CILP: variants seen among roughly 807,000 people sequenced by gnomAD.
The protein encoded by CILP is cartilage intermediate layer protein, also known as cartilage intermediate layer protein 1.
Under a neutral mutation model 82.5 loss-of-function variants are expected in CILP, and 75 were observed. The observed-to-expected ratio is 0.91, with a 90% confidence interval of 0.75 to 1.10. CILP has a LOEUF of 1.10. CILP is among the 50% of genes least tolerant of loss of function. The pLI is 0.00. For synonymous variants in CILP, 530 were observed against 580.3 expected (o/e 0.91, Z 1.25); for missense variants, 1,479 against 1,530.8 (o/e 0.97, Z 0.56).
At chr15:65,202,426 T>C (rs1286220988) in intron 7 of CILP, among the ~76,000 whole-genome samples, 1 of 152,056 alleles carries the variant, frequency 6.6e-6, no homozygotes, top group Non-Finnish European at 1.5e-5. Context: ...CTGCCCTTGT[T>C]TGCATTTTTT....
intron 3 of CILP, 73 bp downstream of exon 3, chr15:65,207,599 G>T: frequency 1.5e-6 from 2 of 1,340,768 alleles, no homozygotes; most frequent in Non-Finnish European, 2.1e-6. Context: ...TCATGCCCTG[G>T]CTTCAGAGAT....
intron 6 of CILP, 49 bp from the exon 7 acceptor site, chr15:65,203,519 T>TGA: frequency 7.3e-7 from 1 of 1,361,034 alleles, no homozygotes; most frequent in Non-Finnish European, 1.0e-6. Flanking sequence ...TGTGTGTGTG[T>TGA]GACAGGTTCT....
intron 1 of CILP, among the ~76,000 whole-genome samples, chr15:65,210,121 G>A (rs1041893216): frequency 5.3e-5 from 8 of 152,226 alleles, no homozygotes; most frequent in African/African-American, 1.7e-4. Flanking sequence ...AAGCAGGGGC[G>A]AGGAGGTTCC....
chr15:65,201,391 T>C (rs1233812577), intron 8 of CILP, among the ~76,000 whole-genome samples: 1 of 152,140 alleles, frequency 6.6e-6, no homozygotes, highest in African/African-American at 2.4e-5. Context: ...GATTCAGATC[T>C]GTACCATCGT....
Position 65,203,584 on chromosome 15 carries a change from C to T in CILP, c.920-114G>A, listed in dbSNP as rs1237250240. ...TGTTGTGAAAATTATAAGGCTTCAC[C>T]CCTACCCCCAGCCCATCTCCATTGG... On this transcript the variant is annotated intron_variant, in intron 6 of 8. Coordinates refer to ENST00000261883, the MANE Select transcript of CILP (RefSeq NM_003613.4). The T allele has an allele frequency of 3.1e-5, 22 of 702,928 alleles. No homozygotes were observed. In the South Asian group the frequency reaches 3.2e-4, roughly 10 times the overall value. 43.5% of individuals were successfully genotyped at this position (702,928 alleles called of 1,614,324 possible).
At chr15:65,208,947 C>T (rs886439605) in intron 2 of CILP, among the ~76,000 whole-genome samples, 31 of 150,800 alleles carry the variant, frequency 2.1e-4, no homozygotes, top group African/African-American at 7.3e-4. Context: ...GCTGAGACAG[C>T]CTTTGTTCCT....
Position 65,209,750 on chromosome 15 carries a change from C to A in CILP, c.6G>T (p.Val2=), listed in dbSNP as rs775031938. 22 of 1,613,858 alleles carry A rather than the reference C, an allele frequency of 1.4e-5. No homozygotes were observed. In the Admixed American group the frequency reaches 1.8e-4, roughly 13 times the overall value. Residue 2 remains valine (V), a synonymous_variant, in exon 2 of 9, where the codon GTG becomes GTT. Transcript: ENST00000261883. M[V]GTKAWVFSFL... is the part of the protein sequence containing the mutation. ...AGGAGAACACCCAGGCCTTGGTCCC[C>A]ACCATCTTTCCCCCAAGCCCGTGGG...
At position 65,206,972 on chromosome 15, in the gene CILP, G is replaced by A. The variant is rs146845325; in HGVS notation, c.234C>T (p.Arg78=). The change falls in exon 4 of 9, where the codon CGC becomes CGT. Residue 78 remains arginine, a synonymous_variant. Coordinates refer to ENST00000261883, the MANE Select transcript of CILP (RefSeq NM_003613.4). ...CACATACACGGTCCCCATAGTAGAA[G>A]CGAATGGCGTCCAGCCGCTCATAGT... The part of the protein sequence containing the change: ...KGDYERLDAI[R]FYYGDRVCAR... The A allele has an allele frequency of 2.9e-5, 47 of 1,614,038 alleles. No homozygotes were observed. In the African/African-American group the frequency reaches 5.6e-4, roughly 19 times the overall value.
rs772300318 is a variant in CILP, at chr15:65,197,614, C to G, written c.2672G>C (p.Gly891Ala). 6.2e-7 allele frequency: 1 copy of G among 1,614,168 alleles called. No individual in the cohort carries two copies. The highest frequency in any genetic ancestry group is 1.1e-5 in the South Asian group (1 of 91,074). Reference sequence around the variant, plus strand: ...GAGGTTCTCAAAGGCATAGATGGGCCCATTGCTCTCCTCAGCTGAGTTGGG... The same window carrying G: ...GAGGTTCTCAAAGGCATAGATGGGCGCATTGCTCTCCTCAGCTGAGTTGGG... ...PRPNSAEESN[G>A]PIYAFENLRA... Residue 891 changes from glycine (G) to alanine (A), a missense_variant, in exon 9 of 9, where the codon GGG (glycine) becomes GCG (alanine). By Grantham distance (60) the Gly-to-Ala change is moderately conservative. Transcript: ENST00000261883.
intron 7 of CILP, 108 bp from the exon 8 acceptor site, chr15:65,202,137 A>G: frequency 1.1e-6 from 1 of 893,898 alleles, no homozygotes; most frequent in African/African-American, 1.7e-5. Context: ...ATGGGTTCCC[A>G]CAAATGTCAA....
In CILP at chr15:65,197,725, A is replaced by G; in HGVS notation, c.2561T>C (p.Leu854Pro). The change falls in exon 9 of 9, where the codon CTC becomes CCC. Residue 854 changes from leucine (L) to proline (P), a missense_variant. By Grantham distance (98) the Leu-to-Pro change is moderately conservative (BLOSUM62 -3). Transcript: ENST00000261883. ...CGTCCGACGGTAGTTGAGCTTGTTG[A>G]GATAGGGCTGAGGGACGCCAATTGC... ...PNAIGVPQPY[L>P]NKLNYRRTDH... 6.2e-7 allele frequency: 1 copy of G among 1,612,730 alleles called. No individual in the cohort carries two copies. The highest frequency in any genetic ancestry group is 8.5e-7 in the Non-Finnish European group (1 of 1,180,028).
In CILP at chr15:65,198,573, A is replaced by G. The variant is rs2088409774; in HGVS notation, c.1713T>C (p.Leu571=). The change falls in exon 9 of 9, where the codon CTT becomes CTC. Residue 571 remains leucine (L), a synonymous_variant. Transcript: ENST00000261883. Reference sequence around the variant, plus strand: ...CCAAAGTGATGGGCTTTTTCCGACGAAGCATCTTGATTTCATGGAACACGG... The same window carrying G: ...CCAAAGTGATGGGCTTTTTCCGACGGAGCATCTTGATTTCATGGAACACGG... ...GSAVFHEIKM[L]RRKKPITLEA... is the part of the protein sequence containing the mutation. 1 of 1,614,200 alleles carries G rather than the reference A, an allele frequency of 6.2e-7. No individual in the cohort carries two copies.
At chr15:65,202,145 C>G in intron 7 of CILP, 116 bp from the exon 8 acceptor site, 1 of 837,312 alleles carries the variant, frequency 1.2e-6, no homozygotes, top group Non-Finnish European at 1.8e-6. Flanking sequence ...CCACAAATGT[C>G]AATATCACCT....
intron 7 of CILP, 52 bp from the exon 8 acceptor site, chr15:65,202,081 T>C (rs772585970): frequency 6.9e-7 from 1 of 1,438,952 alleles, no homozygotes; most frequent in Non-Finnish European, 9.2e-7. Context: ...GGGCAGGTAT[T>C]CCTAGAAAAG....
rs372529176 is a variant in CILP, at chr15:65,203,490, A to C, written c.920-20T>G. ...GAGTCTCTGGGACAGAAAATGAGAA[A>C]TAGCATTTTGGGTTTTTGTGTGTGT... On this transcript the variant is annotated intron_variant, in intron 6 of 8. Transcript: ENST00000261883. 1.9e-5 allele frequency: 30 copies of C among 1,588,166 alleles called. No individual in the cohort carries two copies. The highest frequency in any genetic ancestry group is 2.4e-5 in the Non-Finnish European group (28 of 1,158,468).
chr15:65,207,630 A>C, intron 3 of CILP, 42 bp downstream of exon 3: 5 of 1,561,170 alleles, frequency 3.2e-6, no homozygotes, highest in Non-Finnish European at 4.4e-6. Context: ...AGCTCGTTAA[A>C]GGCTGCCCCT....
chr15:65,207,274 T>G (rs1288802766), intron 3 of CILP, among the ~76,000 whole-genome samples: 2 of 152,176 alleles, frequency 1.3e-5, no homozygotes, highest in Non-Finnish European at 2.9e-5. Flanking sequence ...TCCTCCTCAA[T>G]GCCACTCACA....
In CILP at chr15:65,195,188, G is replaced by A. The variant is rs750829517; in HGVS notation, c.*1543C>T. On this transcript the variant is annotated 3_prime_UTR_variant, in exon 9 of 9. Coordinates refer to ENST00000261883, the MANE Select transcript of CILP (RefSeq NM_003613.4). ...CTTACAAACCAAATTCCCAGGAGCC[G>A]GGCAGATGGTGATCCAAGAGTACAA... 6 of 152,328 alleles carry A rather than the reference G, an allele frequency of 3.9e-5. No individual in the cohort carries two copies. In the East Asian group the frequency reaches 5.8e-4, roughly 15 times the overall value. 9.4% of individuals were successfully genotyped at this position (152,328 alleles called of 1,614,324 possible). A position where few individuals can be genotyped will look rare whatever the true frequency, so the allele number is the denominator to read the frequency against.
rs539078061 is a variant in CILP, at chr15:65,210,744, C to T, written c.-107+684G>A. 2.0e-5 allele frequency among the ~76,000 whole-genome samples: 3 copies of T among 152,308 alleles called. No homozygotes were observed. The East Asian group carries it at 5.8e-4, about 29-fold the overall frequency. On this transcript the variant is annotated intron_variant, in intron 1 of 8. Coordinates refer to ENST00000261883, the MANE Select transcript of CILP (RefSeq NM_003613.4). ...AGAGTCCTCCTCTCTAAAAAATACA[C>T]ATATCTGAAAACACTGGGATATTCC...
Sources: gnomAD v4.1 joint callset for allele counts (sites outside exome capture counted in the v4.1 genomes callset) on GRCh38, gnomAD v4.1.1 for gene constraint, MANE v1.5 for transcripts, NCBI Gene and HGNC (gene_info 2026-07-23, HGNC 2026-07-21) for gene names.